FBXL20: variants seen among roughly 807,000 people sequenced by gnomAD.
FBXL20 encodes F-box/LRR-repeat protein 20.
FBXL20 carries 11 observed loss-of-function variants against 64.0 expected under a neutral mutation model. That is an observed-to-expected ratio of 0.17 (90% CI 0.11 to 0.28). The LOEUF is 0.28. FBXL20 is among the 10% of genes least tolerant of loss of function. The pLI, the probability that FBXL20 is intolerant of heterozygous loss-of-function variation, is 1.00. For missense variants in FBXL20, 303 were observed against 526.2 expected (o/e 0.58, Z 4.15); for synonymous variants, 184 against 189.0 (o/e 0.97, Z 0.22).
At chr17:39,320,128 G>A (rs1051938993) in intron 2 of FBXL20, among the ~76,000 whole-genome samples, 3 of 152,000 alleles carry the variant, frequency 2.0e-5, no homozygotes, top group Non-Finnish European at 4.4e-5. Context: ...AACTAGTTTT[G>A]TAACTTGCTT....
chr17:39,335,582 C>CAAAA (rs36023380), intron 2 of FBXL20, among the ~76,000 whole-genome samples: 129 of 76,884 alleles, frequency 1.7e-3, no homozygotes, highest in East Asian at 4.4e-3. Context: ...GACTCCGTCT[C>CAAAA]AAAAAAAAAA....
At chr17:39,367,209 A>G (rs1223343421) in intron 1 of FBXL20, among the ~76,000 whole-genome samples, 1 of 151,614 alleles carries the variant, frequency 6.6e-6, no homozygotes. Flanking sequence ...CTAGAAGTTT[A>G]TATTTTTCAA....
chr17:39,343,022 C>T (rs1220471679), intron 2 of FBXL20, among the ~76,000 whole-genome samples, 158 bp downstream of exon 2: 1 of 151,994 alleles, frequency 6.6e-6, no homozygotes, highest in Non-Finnish European at 1.5e-5. Context: ...TGATTGACAT[C>T]TAAAAAATGC....
At chr17:39,365,999 T>A (rs1567897814) in intron 1 of FBXL20, among the ~76,000 whole-genome samples, 1 of 149,908 alleles carries the variant, frequency 6.7e-6, no homozygotes, top group African/African-American at 2.4e-5. Context: ...TTAAAAAAAT[T>A]TTTTTTTTTT....
chr17:39,265,999 G>A (rs1246428453), intron 12 of FBXL20, among the ~76,000 whole-genome samples: 24 of 150,418 alleles, frequency 1.6e-4, no homozygotes, highest in East Asian at 1.9e-4. Context: ...CTCCTGCCTC[G>A]CCTCACAGAG....
intron 2 of FBXL20, among the ~76,000 whole-genome samples, chr17:39,317,928 C>T (rs1214358894): frequency 1.3e-5 from 2 of 151,738 alleles, no homozygotes; most frequent in Admixed American, 6.6e-5. Context: ...GTCTCGATCT[C>T]CTGACCTAGT....
chr17:39,278,427 C>T (rs570582176), intron 9 of FBXL20, among the ~76,000 whole-genome samples: 32 of 150,920 alleles, frequency 2.1e-4, no homozygotes, highest in African/African-American at 6.8e-4. Flanking sequence ...ATTATAGGCA[C>T]GCGCGTGTGT....
chr17:39,313,880 C>T (rs1364326106), intron 2 of FBXL20, among the ~76,000 whole-genome samples: 1 of 152,132 alleles, frequency 6.6e-6, no homozygotes, highest in Non-Finnish European at 1.5e-5. Context: ...AGTGATCTGC[C>T]CACCTTGGCC....
chr17:39,301,346 C>T (rs1194743717), intron 3 of FBXL20, among the ~76,000 whole-genome samples: 2 of 152,118 alleles, frequency 1.3e-5, no homozygotes, highest in Non-Finnish European at 2.9e-5. Flanking sequence ...AATCCCATCA[C>T]TTGGGAGGTC....
chr17:39,401,291 G>C (rs971012274), intron 1 of FBXL20, 70 bp downstream of exon 1: 19 of 1,609,284 alleles, frequency 1.2e-5, no homozygotes, highest in Non-Finnish European at 1.5e-5. Flanking sequence ...GCTCCGTGCG[G>C]AGCGGACGTT....
chr17:39,395,924 G>C (rs1222381720), intron 1 of FBXL20, among the ~76,000 whole-genome samples: 2 of 151,796 alleles, frequency 1.3e-5, no homozygotes, highest in Non-Finnish European at 2.9e-5. Flanking sequence ...AGCGTTCCAT[G>C]AAAGAGACTG....
At chr17:39,303,247 T>TA (rs56985859) in intron 3 of FBXL20, among the ~76,000 whole-genome samples, 49,070 of 147,084 alleles carry the variant, frequency 0.33, 9,072 homozygotes, top group African/African-American at 0.52. Context: ...TGTCCTTGTG[T>TA]AAAAAAAAAA....
At chr17:39,262,465 G>A (rs559790370) in intron 14 of FBXL20, among the ~76,000 whole-genome samples, 1 of 152,058 alleles carries the variant, frequency 6.6e-6, no homozygotes, top group South Asian at 2.1e-4. Flanking sequence ...ATTTTTAGTT[G>A]AGATGGCATT....
intron 6 of FBXL20, among the ~76,000 whole-genome samples, chr17:39,293,759 T>C (rs2047061372): frequency 6.6e-6 from 1 of 152,136 alleles, no homozygotes; most frequent in African/African-American, 2.4e-5. Flanking sequence ...TTTGCCAAAC[T>C]GTGTGGGGTC....
chr17:39,257,903 T>C lies in FBXL20; in HGVS notation c.*3557A>G, dbSNP rs540280176. ...GCTGGAGTCAGCTCAATGGGGCTGA[T>C]GAAGAGGATGAAAAGACATTGATGT... On this transcript the variant is annotated 3_prime_UTR_variant, in exon 15 of 15. Coordinates refer to ENST00000264658, the MANE Select transcript of FBXL20 (RefSeq NM_032875.3). 6.5e-6 allele frequency: 1 copy of C among 153,030 alleles called. No individual in the cohort carries two copies. Among genetic ancestry groups the C allele is most frequent in the African/African-American group, 2.4e-5 (1 of 41,544 alleles). 9.5% of individuals were successfully genotyped at this position (153,030 alleles called of 1,614,324 possible). A position where few individuals can be genotyped will look rare whatever the true frequency, so the allele number is the denominator to read the frequency against.
chr17:39,384,394 G>A (rs2048056978), intron 1 of FBXL20, among the ~76,000 whole-genome samples: 1 of 151,696 alleles, frequency 6.6e-6, no homozygotes, highest in African/African-American at 2.4e-5. Context: ...GAGTGGTGGT[G>A]CGCGCCTGTA....
intron 1 of FBXL20, among the ~76,000 whole-genome samples, chr17:39,357,198 G>A (rs748918831): frequency 1.1e-4 from 16 of 151,264 alleles, no homozygotes; most frequent in South Asian, 6.3e-4. Context: ...ACTTGAACCC[G>A]GGAGGAGGAG....
intron 1 of FBXL20, among the ~76,000 whole-genome samples, chr17:39,371,328 C>CTGTTAATGCTCATGTTTA (rs2047916553): frequency 1.3e-5 from 2 of 152,134 alleles, no homozygotes; most frequent in Admixed American, 1.3e-4. Context: ...AGGCATGAGC[C>CTGTTAATGCTCATGTTTA]TGTTAATGCA....
chr17:39,377,445 G>C (rs576936556), intron 1 of FBXL20, among the ~76,000 whole-genome samples: 21 of 151,728 alleles, frequency 1.4e-4, no homozygotes, highest in Non-Finnish European at 2.9e-4. Context: ...CCCGTTTCCC[G>C]CACAGCTGGC....
Sources: gnomAD v4.1 joint callset for allele counts (sites outside exome capture counted in the v4.1 genomes callset) on GRCh38, gnomAD v4.1.1 for gene constraint, MANE v1.5 for transcripts, NCBI Gene and HGNC (gene_info 2026-07-23, HGNC 2026-07-21) for gene names.